The following TMEM217 variants were observed in gnomAD, a reference collection of about 807,000 sequenced individuals.
TMEM217 encodes chromosome 6 open reading frame 128.
For missense variants in TMEM217, 204 were observed against 248.8 expected, an observed-to-expected ratio of 0.82 and a Z score of 1.21; for synonymous variants, 76 against 88.3, an observed-to-expected ratio of 0.86 and a Z score of 0.78.
intron 1 of TMEM217, among the ~76,000 whole-genome samples, chr6:37,255,194 G>A (rs960908414): frequency 2.0e-5 from 3 of 152,150 alleles, no homozygotes; most frequent in African/African-American, 4.8e-5. Context: ...GAAAAATAGA[G>A]CCAGGCAATA....
chr6:37,252,217 GA>G (rs1765434664), intron 1 of TMEM217, among the ~76,000 whole-genome samples: 2 of 152,102 alleles, frequency 1.3e-5, no homozygotes, highest in African/African-American at 4.8e-5. Context: ...TTTAATTGTT[GA>G]AAAACTTGAA....
downstream of TMEM217, chr6:37,212,694 CCA>C: frequency 1.6e-6 from 1 of 625,740 alleles, no homozygotes; most frequent in Non-Finnish European, 3.0e-6. Context: ...AAGTGATGAT[CCA>C]CATGGCATAG....
chr6:37,241,399 C>T (rs187019112), intron 1 of TMEM217, among the ~76,000 whole-genome samples: 14 of 152,272 alleles, frequency 9.2e-5, no homozygotes, highest in Admixed American at 6.5e-4. Context: ...GAAGCAGGAC[C>T]TCAAAAGCGA....
At chr6:37,218,800 G>A in exon 2 of TMEM217, 2 of 1,614,224 alleles carry the variant, frequency 1.2e-6, no homozygotes, top group Non-Finnish European at 1.7e-6. Flanking sequence ...AGCAGCTGAT[G>A]AGGATGGTGA....
chr6:37,236,162 A>T (rs1313933088), intron 1 of TMEM217, among the ~76,000 whole-genome samples: 2 of 152,154 alleles, frequency 1.3e-5, no homozygotes, highest in African/African-American at 4.8e-5. Context: ...AAAACAATTT[A>T]AAAAAACAGA....
chr6:37,237,879 T>C (rs920162968), intron 1 of TMEM217, among the ~76,000 whole-genome samples: 1 of 152,138 alleles, frequency 6.6e-6, no homozygotes, highest in Non-Finnish European at 1.5e-5. Context: ...TAAAACTGTA[T>C]GAAAAGCAAA....
intron 1 of TMEM217, among the ~76,000 whole-genome samples, chr6:37,229,339 T>TTTTTG (rs1554170942): frequency 8.2e-6 from 1 of 122,188 alleles, no homozygotes; most frequent in Non-Finnish European, 1.7e-5. Flanking sequence ...CTTTCAGTTT[T>TTTTTG]TTTTTTTTTT....
chr6:37,232,266 C>G (rs1018690431), intron 1 of TMEM217, among the ~76,000 whole-genome samples: 5 of 152,206 alleles, frequency 3.3e-5, no homozygotes, highest in African/African-American at 1.2e-4. Context: ...TAGCGAAAGT[C>G]AGGAGAACTT....
At chr6:37,214,182 C>T (rs375602962), downstream of TMEM217, among the ~76,000 whole-genome samples, 1 of 152,234 alleles carries the variant, frequency 6.6e-6, no homozygotes, top group Non-Finnish European at 1.5e-5. Context: ...AGTACATTCA[C>T]GTTGTCGTGC....
chr6:37,222,324 C>T (rs562433785), intron 1 of TMEM217, among the ~76,000 whole-genome samples: 619 of 152,330 alleles, frequency 4.1e-3, no homozygotes, highest in African/African-American at 0.013. Flanking sequence ...CCATGGCCCC[C>T]CCAGGGCTCG....
At chr6:37,219,015 A>C in exon 2 of TMEM217, 1 of 1,613,482 alleles carries the variant, frequency 6.2e-7, no homozygotes, top group Non-Finnish European at 8.5e-7. Flanking sequence ...ATCCCACACC[A>C]CTGCTGCTGT....
intron 1 of TMEM217, among the ~76,000 whole-genome samples, chr6:37,222,655 C>G (rs1310145754): frequency 6.6e-6 from 1 of 152,232 alleles, no homozygotes; most frequent in Non-Finnish European, 1.5e-5. Context: ...CGGCCCTCCT[C>G]CAAGAGCACA....
exon 2 of TMEM217, chr6:37,218,588 T>G (rs761599049): frequency 2.5e-6 from 4 of 1,614,122 alleles, no homozygotes; most frequent in Non-Finnish European, 3.4e-6. Flanking sequence ...GTGGGCATAG[T>G]TGATGACAAA....
At chr6:37,243,458 C>A (rs1764892161) in intron 1 of TMEM217, among the ~76,000 whole-genome samples, 1 of 152,192 alleles carries the variant, frequency 6.6e-6, no homozygotes, top group Non-Finnish European at 1.5e-5. Flanking sequence ...TTCCTGCCTG[C>A]TACACAGACA....
chr6:37,213,473 C>A (rs866906050), downstream of TMEM217, among the ~76,000 whole-genome samples: 18 of 152,248 alleles, frequency 1.2e-4, no homozygotes, highest in African/African-American at 3.4e-4. Context: ...TTAGAAATTT[C>A]CCTGATTTGC....
chr6:37,221,594 C>A (rs1448896294), intron 1 of TMEM217, among the ~76,000 whole-genome samples: 7 of 152,066 alleles, frequency 4.6e-5, no homozygotes. Context: ...TTGATTACTG[C>A]ATTAAAATAA....
Position 37,218,434 on chromosome 6 carries a change from C to T in TMEM217, c.597G>A (p.Glu199=), listed in dbSNP as rs751366969. ...TCAGGCGATCCACCTACCTCTGCCT[C>T]TCAAAGTACTGGGATTCCAGGTGTG... Residue 199 remains glutamate, a synonymous_variant, in exon 2 of 2, where the codon GAG becomes GAA. Transcript: ENST00000357219. 19 of 1,606,016 alleles carry T rather than the reference C, an allele frequency of 1.2e-5. No individual in the cohort carries two copies. The East Asian group carries it at 4.0e-4, about 34-fold the overall frequency.
At chr6:37,251,744 A>T (rs1322350364) in intron 1 of TMEM217, among the ~76,000 whole-genome samples, 2 of 152,200 alleles carry the variant, frequency 1.3e-5, no homozygotes, top group Admixed American at 1.3e-4. Flanking sequence ...AACAAAATGG[A>T]ACTTTAATTA....
At chr6:37,254,683 C>T (rs1583501182) in intron 1 of TMEM217, among the ~76,000 whole-genome samples, 1 of 152,174 alleles carries the variant, frequency 6.6e-6, no homozygotes. Context: ...CCTTCTTTCA[C>T]TCAGTAAATA....
Sources: allele counts gnomAD v4.1 joint callset (sites outside exome capture counted in the v4.1 genomes callset), GRCh38; gene constraint gnomAD v4.1.1; transcripts MANE v1.5; gene names NCBI Gene and HGNC (gene_info 2026-07-23, HGNC 2026-07-21).